HIPK4: variants seen among roughly 807,000 people sequenced by gnomAD.
HIPK4 encodes homeodomain interacting protein kinase 4, also known as homeodomain-interacting protein kinase 4.
HIPK4 carries 26 observed loss-of-function variants against 44.8 expected under a neutral mutation model. The observed-to-expected ratio is 0.58, with a 90% CI of 0.43 to 0.80. HIPK4 has a LOEUF of 0.80. HIPK4 is among the 30% of genes least tolerant of loss of function. The probability of loss-of-function intolerance (pLI) is 0.00; values close to 1 mark genes in which losing one functional copy is unlikely to be tolerated. For missense variants in HIPK4, 729 were observed against 862.6 expected (o/e 0.85, Z 1.94); for synonymous variants, 340 against 355.5 (o/e 0.96, Z 0.49).
At position 40,389,814 on chromosome 19, in the gene HIPK4, C is replaced by T. The variant is rs760368671; in HGVS notation, c.89G>A (p.Arg30Gln). The T allele has an allele frequency of 1.1e-5, 18 of 1,613,994 alleles. No homozygotes were observed. The highest frequency in any genetic ancestry group is 1.1e-5 in the South Asian group (1 of 91,092). The change falls in exon 1 of 4, where the codon CGG becomes CAG. Residue 30 changes from arginine to glutamine, a missense_variant. By Grantham distance (43) the Arg-to-Gln change is conservative. Around this residue, in one of 2 missense-constraint regions of HIPK4, gnomAD observed 196 missense variants for 295.1 expected, o/e 0.66. Transcript: ENST00000291823. The surrounding 1 kb of genome is among the most constrained non-coding windows in gnomAD (Gnocchi z 4.6). ...GGCCACCATCTCGCCCGTGCTCCGC[C>T]GCCAGCCCTTGGCTACCTCCCCGAA... ...GTFGEVAKGW[R>Q]RSTGEMVAIK... is the part of the protein sequence containing the mutation.
rs908938213 is a variant in HIPK4, at chr19:40,389,355, T to TA, written c.465+82dup. 1.4e-3 allele frequency: 905 copies of TA among 641,222 alleles called. No homozygotes were observed. Among genetic ancestry groups the TA allele is most frequent in the South Asian group, 3.8e-3 (57 of 15,156 alleles). 39.7% of individuals were successfully genotyped at this position (641,222 alleles called of 1,614,324 possible). ...AATAATAATAATAATTTTAAAAAAT[T>TA]AAAAAAAAAATCTAGGGCTGGAAGA... On this transcript the variant is annotated intron_variant, in intron 1 of 3. Coordinates refer to ENST00000291823, the MANE Select transcript of HIPK4 (RefSeq NM_144685.5). The surrounding 1 kb of genome is among the most constrained non-coding windows in gnomAD (Gnocchi z 4.6).
Position 40,380,221 on chromosome 19 carries a change from T to G in HIPK4, c.1668+102A>C. On this transcript the variant is annotated intron_variant, in intron 3 of 3. Transcript: ENST00000291823. This position sits in a 1 kb window ranked among gnomAD's most constrained non-coding sequence, Gnocchi z 4.2. ...TAATTGTATCCTGAACATGGGTGAG[T>G]GTGTGTTGAGCCTCCTCACACACTA... is the stretch of plus-strand genomic sequence containing the variant. 1 of 1,408,508 alleles carries G rather than the reference T, an allele frequency of 7.1e-7. No homozygotes were observed. The highest frequency in any genetic ancestry group is 9.6e-7 in the Non-Finnish European group (1 of 1,042,418). The allele number at this position is 1,408,508 out of a possible 1,614,324, so 87.3% of individuals were successfully genotyped here. A position where few individuals can be genotyped will look rare whatever the true frequency, so the allele number is the denominator to read the frequency against.
In HIPK4 at chr19:40,381,130, C is replaced by A. The variant is rs551004992; in HGVS notation, c.861G>T (p.Ser287=). The A allele has an allele frequency of 1.2e-6, 2 of 1,606,316 alleles. No homozygotes were observed. The highest frequency in any genetic ancestry group is 2.7e-5 in the African/African-American group (2 of 74,938). ...PLERRKYMLK[S]LDQIETVNGG... ...CATTCACTGTCTCAATCTGGTCCAA[C>A]GACTTGAGCATATACTTGCGGCGCT... Residue 287 remains serine, a synonymous_variant, in exon 3 of 4, where the codon TCG becomes TCT. Coordinates refer to ENST00000291823, the MANE Select transcript of HIPK4 (RefSeq NM_144685.5).
intron 2 of HIPK4, 143 bp from the exon 3 acceptor site, chr19:40,381,311 C>A: frequency 1.5e-6 from 1 of 688,868 alleles, no homozygotes; most frequent in Non-Finnish European, 2.4e-6. Flanking sequence ...GCTAGGAGGG[C>A]CACCCTGGAT....
Position 40,379,528 on chromosome 19 carries a change from G to A in HIPK4, c.*59C>T, listed in dbSNP as rs563779569. The A allele has an allele frequency of 1.5e-6, 2 of 1,367,964 alleles. No homozygotes were observed. Among genetic ancestry groups the A allele is most frequent in the East Asian group, 5.3e-5 (2 of 37,648 alleles). The allele number at this position is 1,367,964 out of a possible 1,614,324, so 84.7% of individuals were successfully genotyped here. ...TGGCTCTGAGGAGCAGTTCAGGTTG[G>A]GAGGGAATGCCAGCCCAGCTAGCGC... On this transcript the variant is annotated 3_prime_UTR_variant, in exon 4 of 4. Coordinates refer to ENST00000291823, the MANE Select transcript of HIPK4 (RefSeq NM_144685.5).
At chr19:40,385,478 C>A (rs2079358341) in intron 1 of HIPK4, among the ~76,000 whole-genome samples, 1 of 152,118 alleles carries the variant, frequency 6.6e-6, no homozygotes, top group African/African-American at 2.4e-5. Flanking sequence ...ATGCTCTTCC[C>A]TGCATGAGCA....
Position 40,380,423 on chromosome 19 carries a change from C to A in HIPK4, c.1568G>T (p.Trp523Leu), listed in dbSNP as rs745650023. The A allele has an allele frequency of 6.2e-7, 1 of 1,614,090 alleles. No individual in the cohort carries two copies. The highest frequency in any genetic ancestry group is 1.3e-5 in the African/African-American group (1 of 74,956). ...EDDRPCRGSS[W>L]EEGEHLGASA... ...GGCCCCGAGATGCTCTCCTTCCTCC[C>A]AGCTGCTGCCCCGGCAGGGCCTGTC... Residue 523 changes from tryptophan to leucine, a missense_variant, in exon 3 of 4, where the codon TGG (tryptophan) becomes TTG (leucine). By Grantham distance (61) the Trp-to-Leu change is moderately conservative. This residue lies in a region of HIPK4 where 533 missense variants were observed against 567.5 expected (regional missense o/e 0.94). Transcript: ENST00000291823. This position sits in a 1 kb window ranked among gnomAD's most constrained non-coding sequence, Gnocchi z 4.2.
At chr19:40,382,852 C>G (rs58775801) in intron 2 of HIPK4, among the ~76,000 whole-genome samples, 2 of 150,826 alleles carry the variant, frequency 1.3e-5, no homozygotes, top group African/African-American at 4.9e-5. Flanking sequence ...CTGAGACCAG[C>G]CTGGCCAACA....
chr19:40,383,628 C>G (rs2079348141), intron 2 of HIPK4, among the ~76,000 whole-genome samples, 155 bp downstream of exon 2: 1 of 151,798 alleles, frequency 6.6e-6, no homozygotes, highest in South Asian at 2.1e-4. Flanking sequence ...CACTATGTTC[C>G]CCAGGCTGGT....
chr19:40,389,392 AG>A lies in HIPK4; in HGVS notation c.465+45del, dbSNP rs922963258. ...CTAGGGCTGGAAGAAGCTGGGAAAA[AG>A]ACAAGGAACTAGGGACGCAGCCACC... is the stretch of plus-strand genomic sequence containing the variant. On this transcript the variant is annotated intron_variant, in intron 1 of 3. Coordinates refer to ENST00000291823, the MANE Select transcript of HIPK4 (RefSeq NM_144685.5). This position sits in a 1 kb window ranked among gnomAD's most constrained non-coding sequence, Gnocchi z 4.6. 20 of 1,076,404 alleles carry A rather than the reference AG, an allele frequency of 1.9e-5. No individual in the cohort carries two copies. Among genetic ancestry groups the A allele is most frequent in the Non-Finnish European group, 2.3e-5 (18 of 799,344 alleles). 66.7% of individuals were successfully genotyped at this position (1,076,404 alleles called of 1,614,324 possible).
At position 40,389,912 on chromosome 19, in the gene HIPK4, G is replaced by T; in HGVS notation, c.-10C>A. The T allele has an allele frequency of 3.1e-6, 5 of 1,596,028 alleles. No homozygotes were observed. The South Asian group carries it at 5.5e-5, about 18-fold the overall frequency. On this transcript the variant is annotated 5_prime_UTR_variant, in exon 1 of 4. Transcript: ENST00000291823. This position sits in a 1 kb window ranked among gnomAD's most constrained non-coding sequence, Gnocchi z 4.6. ...ACTGGATGGTGGACATGGTGCCGCT[G>T]CTGCCAGACACCGCCCTGCCCAGGC...
chr19:40,389,804 C>T lies in HIPK4; in HGVS notation c.99G>A (p.Thr33=), dbSNP rs773527465. The change falls in exon 1 of 4, where the codon ACG becomes ACA. Residue 33 remains threonine (T), a synonymous_variant. Transcript: ENST00000291823. The surrounding 1 kb of genome is among the most constrained non-coding windows in gnomAD (Gnocchi z 4.6). ...GGATCTTGATGGCCACCATCTCGCCCGTGCTCCGCCGCCAGCCCTTGGCTA... is the reference window on the plus strand; with the variant it reads ...GGATCTTGATGGCCACCATCTCGCCTGTGCTCCGCCGCCAGCCCTTGGCTA... ...GEVAKGWRRS[T]GEMVAIKILK... is the part of the protein sequence containing the mutation. 5.0e-6 allele frequency: 8 copies of T among 1,614,102 alleles called. No homozygotes were observed. The highest frequency in any genetic ancestry group is 3.3e-5 in the South Asian group (3 of 91,086).
Position 40,380,526 on chromosome 19 carries a change from G to T in HIPK4, c.1465C>A (p.Arg489Ser). The T allele has an allele frequency of 1.2e-6, 2 of 1,612,132 alleles. No homozygotes were observed. The highest frequency in any genetic ancestry group is 2.2e-5 in the South Asian group (2 of 91,074). The change falls in exon 3 of 4, where the codon CGC (arginine) becomes AGC (serine). Residue 489 changes from arginine (R) to serine (S), a missense_variant. Coordinates refer to ENST00000291823, the MANE Select transcript of HIPK4 (RefSeq NM_144685.5). This position sits in a 1 kb window ranked among gnomAD's most constrained non-coding sequence, Gnocchi z 4.2. ...GACTTGGAACCCGCAGGTGGCTTGC[G>T]GGCCTTGTGGCGGCCTGCCAGGCGG... ...SSRLAGRHKARKPPAGSKSDS... is the reference protein window; with the variant it reads ...SSRLAGRHKASKPPAGSKSDS...
In HIPK4 at chr19:40,389,579, G is replaced by A. The variant is rs2079378383; in HGVS notation, c.324C>T (p.Leu108=). The A allele has an allele frequency of 1.2e-6, 2 of 1,613,968 alleles. No individual in the cohort carries two copies. The highest frequency in any genetic ancestry group is 1.7e-6 in the Non-Finnish European group (2 of 1,179,950). Residue 108 remains leucine (L), a synonymous_variant, in exon 1 of 4, where the codon CTC becomes CTT. Transcript: ENST00000291823. The surrounding 1 kb of genome is among the most constrained non-coding windows in gnomAD (Gnocchi z 4.6). The part of the protein sequence containing the change: ...EFQKENNFAP[L]PARHIRTVTL... ...TGACTGTACGGATGTGGCGGGCGGGGAGGGGCGCGAAGTTGTTCTCCTTCT... is the reference window on the plus strand; with the variant it reads ...TGACTGTACGGATGTGGCGGGCGGGAAGGGGCGCGAAGTTGTTCTCCTTCT...
At position 40,390,002 on chromosome 19, in the gene HIPK4, T is replaced by A; in HGVS notation, c.-100A>T. On this transcript the variant is annotated 5_prime_UTR_variant, in exon 1 of 4. Coordinates refer to ENST00000291823, the MANE Select transcript of HIPK4 (RefSeq NM_144685.5). ...GCTGCTGACACAGCAGGCCCCCCAG[T>A]GGGGGAAAGAGAACCGCACTCGTGT... 1 of 896,644 alleles carries A rather than the reference T, an allele frequency of 1.1e-6. No homozygotes were observed. Among genetic ancestry groups the A allele is most frequent in the East Asian group, 2.6e-5 (1 of 38,130 alleles). 55.5% of individuals were successfully genotyped at this position (896,644 alleles called of 1,614,324 possible). A position where few individuals can be genotyped will look rare whatever the true frequency, so the allele number is the denominator to read the frequency against.
At position 40,389,402 on chromosome 19, in the gene HIPK4, C is replaced by T; in HGVS notation, c.465+36G>A. ...AAGAAGCTGGGAAAAAGACAAGGAA[C>T]TAGGGACGCAGCCACCCTAGACGAC... On this transcript the variant is annotated intron_variant, in intron 1 of 3. Coordinates refer to ENST00000291823, the MANE Select transcript of HIPK4 (RefSeq NM_144685.5). This position sits in a 1 kb window ranked among gnomAD's most constrained non-coding sequence, Gnocchi z 4.6. The T allele has an allele frequency of 7.7e-7, 1 of 1,303,572 alleles. No individual in the cohort carries two copies. The highest frequency in any genetic ancestry group is 1.0e-6 in the Non-Finnish European group (1 of 961,308). 80.8% of individuals were successfully genotyped at this position (1,303,572 alleles called of 1,614,324 possible).
intron 1 of HIPK4, among the ~76,000 whole-genome samples, chr19:40,384,766 C>A (rs1029155635): frequency 2.0e-5 from 3 of 151,720 alleles, no homozygotes; most frequent in African/African-American, 7.3e-5. Flanking sequence ...TGCACACCAC[C>A]ATGCCCTGCT....
intron 1 of HIPK4, among the ~76,000 whole-genome samples, chr19:40,384,373 AG>A (rs941569897): frequency 6.6e-6 from 1 of 152,050 alleles, no homozygotes. Context: ...GCACGATCTC[AG>A]CACACTGCAA....
intron 1 of HIPK4, among the ~76,000 whole-genome samples, chr19:40,387,873 G>A (rs935950218): frequency 6.6e-6 from 1 of 151,878 alleles, no homozygotes; most frequent in Non-Finnish European, 1.5e-5. Context: ...GAGCTCTGTC[G>A]CCCAGGCTGG....
Sources: gnomAD v4.1 joint callset for allele counts (sites outside exome capture counted in the v4.1 genomes callset) on GRCh38, gnomAD v4.1.1 for gene constraint, gnomAD v4.1.1 regional missense constraint, Gnocchi (gnomAD v3.1) non-coding constraint, MANE v1.5 for transcripts, NCBI Gene and HGNC (gene_info 2026-07-23, HGNC 2026-07-21) for gene names.